ABCB4: variants seen among roughly 807,000 people sequenced by gnomAD.
ABCB4 encodes the protein phosphatidylcholine translocator ABCB4.
Under a neutral mutation model 145.7 loss-of-function variants are expected in ABCB4, and 76 were observed. That is an observed-to-expected ratio of 0.52 (90% CI 0.43 to 0.63). ABCB4 has a LOEUF of 0.63. ABCB4 is among the 30% of genes least tolerant of loss of function. The pLI, the probability that ABCB4 is intolerant of heterozygous loss-of-function variation, is 0.00. For missense variants in ABCB4, 1,234 were observed against 1,553.1 expected, an observed-to-expected ratio of 0.79 and a Z score of 3.45; for synonymous variants, 517 against 566.8, an observed-to-expected ratio of 0.91 and a Z score of 1.25.
chr7:87,454,123 G>C (rs563438236), intron 5 of ABCB4, among the ~76,000 whole-genome samples: 2 of 152,204 alleles, frequency 1.3e-5, no homozygotes, highest in South Asian at 4.1e-4. Context: ...CATACAGACA[G>C]CACTCGTTAC....
the ABCB4 span, chr7:87,392,961 A>T: frequency 3.3e-5 from 54 of 1,613,572 alleles, no homozygotes; most frequent in Non-Finnish European, 4.6e-5. Context: ...AGGAGGTGGA[A>T]ATTTTGTTCT....
intron 21 of ABCB4, among the ~76,000 whole-genome samples, chr7:87,416,870 G>T (rs1809010447): frequency 6.6e-6 from 1 of 152,178 alleles, no homozygotes; most frequent in Non-Finnish European, 1.5e-5. Context: ...CAAAATTGAG[G>T]CATTACTGCC....
chr7:87,434,752 A>G (rs574494483), intron 14 of ABCB4, among the ~76,000 whole-genome samples: 1 of 152,310 alleles, frequency 6.6e-6, no homozygotes, highest in East Asian at 1.9e-4. Flanking sequence ...GTCTCAAAAA[A>G]AAAATTATTT....
At chr7:87,467,488 G>A (rs1308258382) in intron 3 of ABCB4, among the ~76,000 whole-genome samples, 6 of 152,068 alleles carry the variant, frequency 3.9e-5, no homozygotes, top group Admixed American at 1.3e-4. Context: ...ACAGATCAAC[G>A]AGACAGAAGT....
At chr7:87,381,777 C>T in the ABCB4 span, 3 of 587,334 alleles carry the variant, frequency 5.1e-6, no homozygotes, top group East Asian at 8.6e-5. Context: ...TTATCATATC[C>T]TCAAGAGGTG....
At chr7:87,392,425 A>G in the ABCB4 span, 3 of 679,692 alleles carry the variant, frequency 4.4e-6, no homozygotes, top group African/African-American at 5.4e-5. Context: ...ATGGAAAGAT[A>G]TAGGAGTATG....
intron 26 of ABCB4, 48 bp from the exon 27 acceptor site, chr7:87,403,329 C>A (rs1404330972): frequency 7.2e-6 from 11 of 1,526,822 alleles, no homozygotes; most frequent in Non-Finnish European, 1.0e-5. Context: ...TGTTGCTTAA[C>A]AGTTGACAGT....
rs1384287574 is a variant in ABCB4, at chr7:87,402,218, C to G, written c.3718G>C (p.Asp1240His). Residue 1240 changes from aspartate to histidine, a missense_variant, in exon 28 of 28, where the codon GAC becomes CAC. Around this residue, in one of 7 missense-constraint regions of ABCB4, gnomAD observed 58 missense variants for 75.9 expected, o/e 0.76. Transcript: ENST00000649586. Reference protein sequence around the residue: ...AHRLSTIQNADLIVVFQNGRV... With the variant: ...AHRLSTIQNAHLIVVFQNGRV... The stretch of plus-strand genomic sequence containing the variant: ...CCATTCTGAAACACCACTATTAAGT[C>G]TGCATTCTGGATGGTGGACAGGCGG... 6.2e-7 allele frequency: 1 copy of G among 1,614,002 alleles called. No homozygotes were observed. Among genetic ancestry groups the G allele is most frequent in the Non-Finnish European group, 8.5e-7 (1 of 1,179,982 alleles).
Position 87,454,518 on chromosome 7 carries a change from C to T in ABCB4, c.344+17G>A. On this transcript the variant is annotated intron_variant, in intron 5 of 27. Coordinates refer to ENST00000649586, the MANE Select transcript of ABCB4 (RefSeq NM_000443.4). ...TCAAATGAAACTTTAAAAAAGTAGA[C>T]CATATATATGAGTTACCTAGTCATT... The T allele has an allele frequency of 1.9e-6, 3 of 1,580,736 alleles. No homozygotes were observed. Among genetic ancestry groups the T allele is most frequent in the Non-Finnish European group, 2.6e-6 (3 of 1,153,408 alleles).
intron 21 of ABCB4, among the ~76,000 whole-genome samples, chr7:87,414,650 T>G: frequency 6.6e-6 from 1 of 152,166 alleles, no homozygotes; most frequent in East Asian, 1.9e-4. Context: ...AAGATCTTAA[T>G]TTTAGGTTTT....
At chr7:87,451,927 T>C (rs1811761771) in intron 6 of ABCB4, 133 bp from the exon 7 acceptor site, 2 of 810,096 alleles carry the variant, frequency 2.5e-6, no homozygotes, top group East Asian at 2.5e-5. Context: ...CTTAGCCTCT[T>C]GAATAACATC....
rs750239494 is a variant in ABCB4 at position 87,440,430 on chromosome 7, G to A, written c.1357-28C>T. 7.3e-5 allele frequency: 116 copies of A among 1,591,472 alleles called. No individual in the cohort carries two copies. In the Admixed American group the frequency reaches 1.5e-3, roughly 21 times the overall value. ...GAAAGAAAGAAATATTTCCTATTAA[G>A]TATTTAACCATTTAATAGCTGAAGT... On this transcript the variant is annotated intron_variant, in intron 12 of 27. Coordinates refer to ENST00000649586, the MANE Select transcript of ABCB4 (RefSeq NM_000443.4).
chr7:87,421,897 T>C (rs1809464000), intron 18 of ABCB4, among the ~76,000 whole-genome samples: 1 of 152,224 alleles, frequency 6.6e-6, no homozygotes, highest in Non-Finnish European at 1.5e-5. Flanking sequence ...TCTCTTGTCC[T>C]TGGTAATGAA....
At chr7:87,449,817 T>A in intron 8 of ABCB4, 151 bp downstream of exon 8, 1 of 1,160,480 alleles carries the variant, frequency 8.6e-7, no homozygotes, top group Non-Finnish European at 1.2e-6. Context: ...GAGTCTGACA[T>A]TCAACTATAG....
At chr7:87,394,555 TAA>T in the ABCB4 span, among the ~76,000 whole-genome samples, 3 of 148,602 alleles carry the variant, frequency 2.0e-5, no homozygotes, top group African/African-American at 7.4e-5. Context: ...AAGTACTATT[TAA>T]AAAAAAAAAG....
downstream of ABCB4, among the ~76,000 whole-genome samples, chr7:87,401,497 A>G (rs1443034485): frequency 6.6e-6 from 1 of 152,210 alleles, no homozygotes; most frequent in East Asian, 1.9e-4. Flanking sequence ...TGTACATTTT[A>G]AATTAATGAG....
At chr7:87,462,597 A>G (rs1205038275) in intron 4 of ABCB4, among the ~76,000 whole-genome samples, 161 bp downstream of exon 4, 2 of 152,230 alleles carry the variant, frequency 1.3e-5, no homozygotes, top group Non-Finnish European at 2.9e-5. Flanking sequence ...GAGTATTTGA[A>G]CAATTTTCTG....
the ABCB4 span, chr7:87,375,268 T>G: frequency 5.4e-6 from 1 of 186,770 alleles, no homozygotes; most frequent in East Asian, 1.4e-4. Context: ...ATTATATTTG[T>G]GAAATTGATT....
chr7:87,422,247 G>A lies in ABCB4; in HGVS notation c.2212-22C>T, dbSNP rs757284878. The A allele has an allele frequency of 1.4e-5, 22 of 1,565,076 alleles. No individual in the cohort carries two copies. In the East Asian group the frequency reaches 1.8e-4, roughly 13 times the overall value. ...AAATCTACAAAAGAATATTTAAAAC[G>A]CCCACTTGGATTACATAACTGATCC... On this transcript the variant is annotated intron_variant, in intron 17 of 27. Coordinates refer to ENST00000649586, the MANE Select transcript of ABCB4 (RefSeq NM_000443.4).
Sources: allele counts gnomAD v4.1 joint callset (sites outside exome capture counted in the v4.1 genomes callset), GRCh38; gene constraint gnomAD v4.1.1; regional missense constraint gnomAD v4.1.1; transcripts MANE v1.5; gene names NCBI Gene and HGNC (gene_info 2026-07-23, HGNC 2026-07-21).